ITFG2: variants seen among roughly 807,000 people sequenced by gnomAD.
ITFG2 encodes the protein KICSTOR complex protein ITFG2.
In ITFG2, 36 loss-of-function variants were observed where a neutral mutation model predicts 54.4. That is an observed-to-expected ratio of 0.66 (90% confidence interval 0.51 to 0.87). The LOEUF is 0.87. ITFG2 is among the 40% of genes least tolerant of loss of function. ITFG2 has a pLI of 0.00. For synonymous variants in ITFG2, 211 were observed against 225.4 expected (o/e 0.94, Z 0.57); for missense variants, 524 against 576.7 (o/e 0.91, Z 0.94).
chr12:2,816,013 C>T (rs1205980133), intron 1 of ITFG2, among the ~76,000 whole-genome samples: 1 of 151,386 alleles, frequency 6.6e-6, no homozygotes, highest in Non-Finnish European at 1.5e-5. Flanking sequence ...TGCAGGTGTG[C>T]ACCACCACAC....
chr12:2,847,719 C>T (rs1283110882), intron 2 of ITFG2, among the ~76,000 whole-genome samples: 3 of 151,546 alleles, frequency 2.0e-5, no homozygotes, highest in Admixed American at 2.0e-4. Context: ...TGCCCTTCCT[C>T]CAAGCCCCTG....
Position 2,812,781 on chromosome 12 carries a change from G to GCC in ITFG2, c.22_23insCC (p.Gln8ProfsTer27). 6.2e-7 allele frequency: 1 copy of GCC among 1,611,882 alleles called. No individual in the cohort carries two copies. Among genetic ancestry groups the GCC allele is most frequent in the Non-Finnish European group, 8.5e-7 (1 of 1,178,132 alleles). On this transcript the variant is annotated frameshift_variant, in exon 1 of 12. Transcript: ENST00000228799. LOFTEE classifies it high-confidence loss of function. ...GTGCCATGAGGTCAGTTAGCTACGT[G>GCC]CAGCGCGTGGCGCTGGAGTTCAGCG... is the stretch of plus-strand genomic sequence containing the variant.
At chr12:2,818,332 G>C (rs750800905) in intron 4 of ITFG2, 55 bp downstream of exon 4, 17 of 1,600,506 alleles carry the variant, frequency 1.1e-5, no homozygotes, top group East Asian at 2.2e-5. Context: ...GTGGATACTA[G>C]AGCATATCCC....
At chr12:2,827,397 C>T (rs1352853417), downstream of ITFG2, 1 of 1,526,892 alleles carries the variant, frequency 6.5e-7, no homozygotes, top group African/African-American at 1.4e-5. This position sits in a 1 kb window ranked among gnomAD's most constrained non-coding sequence, Gnocchi z 4.0. Context: ...ACAGCTTCCA[C>T]CTGCCTTTTG....
At chr12:2,843,725 A>G (rs1454354238) in intron 2 of ITFG2, among the ~76,000 whole-genome samples, 1 of 152,018 alleles carries the variant, frequency 6.6e-6, no homozygotes, top group African/African-American at 2.4e-5. Context: ...AGGCAGAAGA[A>G]TCACTTGAAC....
chr12:2,817,590 TTAAAG>T, intron 2 of ITFG2: 1 of 515,260 alleles, frequency 1.9e-6, no homozygotes, highest in Admixed American at 3.5e-5. Context: ...TTGTCTAATC[TTAAAG>T]TATAGTCAAA....
chr12:2,813,801 T>C (rs977512151), intron 1 of ITFG2, among the ~76,000 whole-genome samples: 1 of 152,210 alleles, frequency 6.6e-6, no homozygotes, highest in Non-Finnish European at 1.5e-5. Flanking sequence ...AGGTATCTTA[T>C]GAGGCCTTTT....
intron 1 of ITFG2, among the ~76,000 whole-genome samples, chr12:2,815,973 T>G (rs1752444273): frequency 6.6e-6 from 1 of 151,910 alleles, no homozygotes; most frequent in African/African-American, 2.4e-5. Context: ...CAAGTGATCC[T>G]CCTTCCTCAG....
Position 2,859,635 on chromosome 12 carries a change from G to C in ITFG2, n.722G>C, listed in dbSNP as rs201705172. The C allele has an allele frequency of 2.0e-5, 33 of 1,610,798 alleles. No individual in the cohort carries two copies. The highest frequency in any genetic ancestry group is 2.8e-5 in the Non-Finnish European group (33 of 1,179,196). ...TTTCCCTGGTCCTGCAGAAGAAAGA[G>C]GAGCTATCCCCTCCTCAGCTAGCAG... On this transcript the variant is annotated non_coding_transcript_exon_variant, in exon 4 of 4. Transcript: ENST00000537710.
chr12:2,835,109 C>T (rs529884819), upstream of ITFG2: 25 of 1,434,484 alleles, frequency 1.7e-5, no homozygotes, highest in East Asian at 1.3e-4. Flanking sequence ...CTGACTTGGC[C>T]GCATCCCCAA....
chr12:2,827,423 C>G (rs540181710), downstream of ITFG2: 2 of 1,522,566 alleles, frequency 1.3e-6, no homozygotes, highest in East Asian at 4.6e-5. This position sits in a 1 kb window ranked among gnomAD's most constrained non-coding sequence, Gnocchi z 4.0. Context: ...CCCCCATCCC[C>G]ATTTCCCTAG....
intron 1 of ITFG2, among the ~76,000 whole-genome samples, chr12:2,838,827 G>A (rs1428181257): frequency 6.6e-6 from 1 of 152,116 alleles, no homozygotes; most frequent in Non-Finnish European, 1.5e-5. Context: ...GGGATATATT[G>A]TTCTAGCAAT....
At chr12:2,830,658 G>A (rs755524581) in intron 2 of ITFG2, 3 of 1,551,238 alleles carry the variant, frequency 1.9e-6, no homozygotes, top group Admixed American at 3.8e-5. Context: ...CAGGTGAAGT[G>A]AGTGCAGGCA....
intron 1 of ITFG2, among the ~76,000 whole-genome samples, chr12:2,840,264 C>A (rs1370785636): frequency 6.6e-6 from 1 of 151,966 alleles, no homozygotes; most frequent in African/African-American, 2.4e-5. Context: ...GCCTGGCCAA[C>A]ATGGTGAAAC....
chr12:2,857,267 G>C (rs1402375980), intron 2 of ITFG2: 1 of 554,066 alleles, frequency 1.8e-6, no homozygotes, highest in South Asian at 2.1e-5. Context: ...AGCTGCTGCC[G>C]GGCAGAAGAA....
chr12:2,821,205 G>A, intron 6 of ITFG2, 57 bp from the exon 7 acceptor site: 12 of 1,361,954 alleles, frequency 8.8e-6, no homozygotes, highest in Non-Finnish European at 1.2e-5. Context: ...GTTACAAAGG[G>A]CTGGAGAGCT....
chr12:2,841,543 T>C (rs539771236), intron 2 of ITFG2, among the ~76,000 whole-genome samples: 1 of 152,180 alleles, frequency 6.6e-6, no homozygotes, highest in Non-Finnish European at 1.5e-5. Context: ...CCTAAACTCA[T>C]GCTGTCTGAT....
At chr12:2,815,291 C>A (rs947883935) in intron 1 of ITFG2, among the ~76,000 whole-genome samples, 3 of 152,186 alleles carry the variant, frequency 2.0e-5, no homozygotes, top group African/African-American at 7.2e-5. Context: ...GGCTGTACCC[C>A]CAAGAGGAGA....
At chr12:2,858,226 C>G (rs1257843905) in exon 3 of ITFG2, 1 of 161,010 alleles carries the variant, frequency 6.2e-6, no homozygotes, top group African/African-American at 2.4e-5. Flanking sequence ...CACCTTCTGG[C>G]AGTCTCTGGA....
Sources: allele counts gnomAD v4.1 joint callset (sites outside exome capture counted in the v4.1 genomes callset), GRCh38; gene constraint gnomAD v4.1.1; non-coding constraint Gnocchi (gnomAD v3.1); transcripts MANE v1.5; gene names NCBI Gene and HGNC (gene_info 2026-07-23, HGNC 2026-07-21).